Variants in SIPA1L1 observed in about 807,000 individuals in gnomAD.
The protein encoded by SIPA1L1 is signal-induced proliferation-associated 1-like protein 1.
SIPA1L1 carries 26 observed loss-of-function variants against 162.7 expected under a neutral mutation model. That is an observed-to-expected ratio of 0.16 (90% CI 0.12 to 0.22). The LOEUF is 0.22. Among genes scored for constraint, SIPA1L1 ranks in the 10% least tolerant of loss-of-function variants. The pLI, the probability that SIPA1L1 is intolerant of heterozygous loss-of-function variation, is 1.00. For synonymous variants in SIPA1L1, 829 were observed against 837.4 expected (o/e 0.99, Z 0.17); for missense variants, 1,874 against 2,241.0 (o/e 0.84, Z 3.31).
chr14:71,725,917 A>G (rs2084199367), intron 19 of SIPA1L1, among the ~76,000 whole-genome samples: 1 of 152,216 alleles, frequency 6.6e-6, no homozygotes, highest in African/African-American at 2.4e-5. Flanking sequence ...GGAAGCTAGA[A>G]TATTTCCTAA....
chr14:71,632,916 C>T (rs565748979), intron 7 of SIPA1L1, among the ~76,000 whole-genome samples: 4 of 152,226 alleles, frequency 2.6e-5, no homozygotes, highest in South Asian at 2.1e-4. Context: ...TCCAGAGTCT[C>T]GTAAGTTAAT....
chr14:71,568,153 C>T (rs2031144656), intron 4 of SIPA1L1, among the ~76,000 whole-genome samples: 1 of 152,110 alleles, frequency 6.6e-6, no homozygotes, highest in African/African-American at 2.4e-5. Context: ...GAATGCCTAA[C>T]CTCCTGGAAA....
chr14:71,418,893 C>A (rs1242799752), intron 2 of SIPA1L1, among the ~76,000 whole-genome samples: 2 of 152,088 alleles, frequency 1.3e-5, no homozygotes, highest in Non-Finnish European at 2.9e-5. Context: ...TTTATTGTAT[C>A]TTTTTGGAAA....
intron 13 of SIPA1L1, among the ~76,000 whole-genome samples, chr14:71,693,424 G>A (rs534854363): frequency 4.6e-5 from 7 of 151,276 alleles, no homozygotes; most frequent in Non-Finnish European, 7.4e-5. Flanking sequence ...ACTTGAACCT[G>A]GGAGGAGGAG....
At position 71,382,219 on chromosome 14, in the gene SIPA1L1, C is replaced by T. The variant is rs145773941; in HGVS notation, c.-465+61038C>T. On this transcript the variant is annotated intron_variant, in intron 2 of 23. Transcript: ENST00000381232. ...TAATTTCTGGATTAGGTGCTCTTCCCCTCTGCTTTCACTAGGGAGAAAGGC... is the reference window on the plus strand; with the variant it reads ...TAATTTCTGGATTAGGTGCTCTTCCTCTCTGCTTTCACTAGGGAGAAAGGC... Among the ~76,000 whole-genome samples the T allele has an allele frequency of 5.5e-4, 84 of 152,252 alleles. 1 individual carries two copies. Among genetic ancestry groups the T allele is most frequent in the African/African-American group, 1.9e-3 (79 of 41,546 alleles).
rs186962355 is a variant in SIPA1L1, at chr14:71,571,533, C to A, written c.-302-16038C>A. 3.3e-5 allele frequency among the ~76,000 whole-genome samples: 5 copies of A among 152,300 alleles called. No homozygotes were observed. In the East Asian group the frequency reaches 9.6e-4, roughly 29 times the overall value. On this transcript the variant is annotated intron_variant, in intron 4 of 23. Coordinates refer to ENST00000381232, the MANE Select transcript of SIPA1L1 (RefSeq NM_001386936.1). ...ACTGGAATCAGACTATTTTGGGCTG[C>A]TCAGTTCCAACAGTAAAAGCTAGAA...
intron 4 of SIPA1L1, among the ~76,000 whole-genome samples, chr14:71,551,370 T>G (rs987958370): frequency 6.6e-6 from 1 of 152,238 alleles, no homozygotes; most frequent in Non-Finnish European, 1.5e-5. Context: ...TCCCTATTTA[T>G]AGTCCTTAAA....
intron 2 of SIPA1L1, among the ~76,000 whole-genome samples, chr14:71,436,757 T>G (rs182986201): frequency 1.7e-4 from 26 of 150,890 alleles, no homozygotes; most frequent in African/African-American, 6.1e-4. Flanking sequence ...ACATACCTTC[T>G]GAATTTTTTT....
chr14:71,652,025 G>A (rs918642439), intron 8 of SIPA1L1, among the ~76,000 whole-genome samples: 1 of 152,062 alleles, frequency 6.6e-6, no homozygotes, highest in Admixed American at 6.6e-5. Context: ...ACTTTATGAG[G>A]CATGTCTGAC....
Position 71,583,965 on chromosome 14 carries a change from A to G in SIPA1L1, c.-302-3606A>G, listed in dbSNP as rs200033704. ...GCACAGACAAATGTGAGCCAGCCCA[A>G]TCAACACTCTGCTTTCCACAGTGAT... On this transcript the variant is annotated intron_variant, in intron 4 of 23. Transcript: ENST00000381232. Among the ~76,000 whole-genome samples the G allele has an allele frequency of 2.7e-4, 41 of 152,266 alleles. No individual in the cohort carries two copies. The East Asian group carries it at 6.4e-3, about 24-fold the overall frequency.
At chr14:71,521,096 A>G (rs1168871407) in intron 3 of SIPA1L1, among the ~76,000 whole-genome samples, 1 of 152,002 alleles carries the variant, frequency 6.6e-6, no homozygotes. Context: ...AGTTGTTTTC[A>G]GTTTTGGGCT....
chr14:71,624,904 T>A (rs2039817738), intron 7 of SIPA1L1, among the ~76,000 whole-genome samples: 1 of 152,216 alleles, frequency 6.6e-6, no homozygotes, highest in South Asian at 2.1e-4. Context: ...AAATTTCACA[T>A]TCTGCTTAGA....
rs1005458941 is a variant in SIPA1L1 at position 71,638,413 on chromosome 14, G to A, written c.1819-11922G>A. Among the ~76,000 whole-genome samples the A allele has an allele frequency of 4.6e-5, 7 of 152,156 alleles. No homozygotes were observed. The East Asian group carries it at 5.8e-4, about 13-fold the overall frequency. On this transcript the variant is annotated intron_variant, in intron 7 of 23. Coordinates refer to ENST00000381232, the MANE Select transcript of SIPA1L1 (RefSeq NM_001386936.1). ...GAAAAATCAATTAATGTAGCCCATC[G>A]TACTAACAGACTAAAGAAGAAAAAT...
chr14:71,704,426 C>A (rs532925138), intron 15 of SIPA1L1, among the ~76,000 whole-genome samples: 1 of 152,290 alleles, frequency 6.6e-6, no homozygotes, highest in South Asian at 2.1e-4. Context: ...ACAGTGGAGA[C>A]AGGAGTTTAG....
chr14:71,446,892 C>CTTTTTTTTTTTTTTTTTT (rs2045390917), intron 2 of SIPA1L1, among the ~76,000 whole-genome samples: 1 of 99,578 alleles, frequency 1.0e-5, no homozygotes, highest in African/African-American at 4.0e-5. Flanking sequence ...GAGATGGGCT[C>CTTTTTTTTTTTTTTTTTT]TGTTTTTTTT....
intron 2 of SIPA1L1, among the ~76,000 whole-genome samples, chr14:71,452,534 A>G (rs2045906802): frequency 6.6e-6 from 1 of 152,178 alleles, no homozygotes; most frequent in Non-Finnish European, 1.5e-5. Flanking sequence ...TCTGTTAGGC[A>G]TCTATACCTG....
In SIPA1L1 at chr14:71,354,136, T is replaced by C. The variant is rs1245293969; in HGVS notation, c.-465+32955T>C. Among the ~76,000 whole-genome samples, 7 of 152,144 alleles carry C rather than the reference T, an allele frequency of 4.6e-5. No homozygotes were observed. The East Asian group carries it at 1.3e-3, about 29-fold the overall frequency. On this transcript the variant is annotated intron_variant, in intron 2 of 23. Transcript: ENST00000381232. ...AATCACTGATTTGTGGTATTATGCATGTATCCTTTGATGTTGATACTATTA... is the reference window on the plus strand; with the variant it reads ...AATCACTGATTTGTGGTATTATGCACGTATCCTTTGATGTTGATACTATTA...
At chr14:71,572,090 C>T (rs2032174851) in intron 4 of SIPA1L1, among the ~76,000 whole-genome samples, 1 of 152,128 alleles carries the variant, frequency 6.6e-6, no homozygotes, top group African/African-American at 2.4e-5. Context: ...GCTGAGCCTC[C>T]TAACTTGCTA....
intron 13 of SIPA1L1, among the ~76,000 whole-genome samples, chr14:71,689,041 G>T (rs1190994766): frequency 3.3e-5 from 5 of 152,148 alleles, no homozygotes; most frequent in Non-Finnish European, 7.3e-5. Context: ...CTAATTTACT[G>T]CTTGTAGAAG....
Sources: gnomAD v4.1 joint callset for allele counts (sites outside exome capture counted in the v4.1 genomes callset) on GRCh38, gnomAD v4.1.1 for gene constraint, MANE v1.5 for transcripts, NCBI Gene and HGNC (gene_info 2026-07-23, HGNC 2026-07-21) for gene names.